The following MLLT1 variants were observed in gnomAD, a reference collection of about 807,000 sequenced individuals.
MLLT1 encodes MLLT1 super elongation complex subunit, also known as protein ENL.
In MLLT1, 11 loss-of-function variants were observed where a neutral mutation model predicts 55.1. The ratio of observed to expected loss-of-function variants is 0.20; its 90% CI spans 0.13 to 0.33. The LOEUF (loss-of-function observed/expected upper bound fraction) is 0.33. MLLT1 is among the 10% of genes least tolerant of loss of function. The probability of loss-of-function intolerance (pLI) is 1.00; values close to 1 mark genes in which losing one functional copy is unlikely to be tolerated. For synonymous variants in MLLT1, 323 were observed against 320.1 expected, an observed-to-expected ratio of 1.01 and a Z score of -0.10; for missense variants, 536 against 760.6, an observed-to-expected ratio of 0.70 and a Z score of 3.47.
chr19:6,221,047 C>A (rs930082794), intron 6 of MLLT1, among the ~76,000 whole-genome samples: 1 of 152,224 alleles, frequency 6.6e-6, no homozygotes, highest in South Asian at 2.1e-4. Context: ...CCCAGCCAGC[C>A]CCACCACCTC....
intron 1 of MLLT1, among the ~76,000 whole-genome samples, chr19:6,272,684 C>T (rs771218160): frequency 1.3e-5 from 2 of 152,202 alleles, no homozygotes; most frequent in Non-Finnish European, 2.9e-5. Context: ...CTTGAAACCA[C>T]GGGACAGGAG....
At chr19:6,255,817 C>A (rs1368452479) in intron 3 of MLLT1, among the ~76,000 whole-genome samples, 3 of 152,218 alleles carry the variant, frequency 2.0e-5, no homozygotes, top group African/African-American at 7.2e-5. Context: ...AGAGGACTCA[C>A]ACTTGCCAAT....
intron 2 of MLLT1, among the ~76,000 whole-genome samples, chr19:6,267,428 T>TA (rs2091357645): frequency 6.8e-6 from 1 of 147,734 alleles, no homozygotes; most frequent in Non-Finnish European, 1.5e-5. Context: ...TTCCACAGAA[T>TA]AAATGAAATG....
intron 2 of MLLT1, among the ~76,000 whole-genome samples, chr19:6,267,142 C>T (rs766819410): frequency 1.3e-5 from 2 of 152,020 alleles, no homozygotes; most frequent in Non-Finnish European, 2.9e-5. Flanking sequence ...CGCTCTGTCG[C>T]CCAGGCCGGA....
At chr19:6,255,873 T>C (rs2091252757) in intron 3 of MLLT1, among the ~76,000 whole-genome samples, 1 of 152,194 alleles carries the variant, frequency 6.6e-6, no homozygotes, top group African/African-American at 2.4e-5. Context: ...ACACCTGTAA[T>C]TCCAGCATTT....
intron 1 of MLLT1, among the ~76,000 whole-genome samples, chr19:6,272,767 A>G (rs115802879): frequency 0.015 from 2,243 of 152,316 alleles, 70 homozygotes; most frequent in African/African-American, 0.051. Context: ...GCTTTTGGAG[A>G]CGGCAGGGCC....
At position 6,246,759 on chromosome 19, in the gene MLLT1, G is replaced by A. The variant is rs112683672; in HGVS notation, c.276+15469C>T. Among the ~76,000 whole-genome samples, 400 of 152,258 alleles carry A rather than the reference G, an allele frequency of 2.6e-3. 1 individual carries two copies. The highest frequency in any genetic ancestry group is 9.2e-3 in the African/African-American group (381 of 41,536). Reference sequence around the variant, plus strand: ...TCACGGAATACAAATTAAGAAATCAGTAACTAATAACCGGATGGGCAGAGG... The same window carrying A: ...TCACGGAATACAAATTAAGAAATCAATAACTAATAACCGGATGGGCAGAGG... On this transcript the variant is annotated intron_variant, in intron 3 of 11. Transcript: ENST00000252674.
At chr19:6,254,905 C>T (rs1406936426) in intron 3 of MLLT1, among the ~76,000 whole-genome samples, 1 of 151,152 alleles carries the variant, frequency 6.6e-6, no homozygotes, top group Non-Finnish European at 1.5e-5. Flanking sequence ...AAACTGGAAC[C>T]TCTATTTGCA....
In MLLT1 at chr19:6,222,293, C is replaced by G. The variant is rs144530683; in HGVS notation, c.938G>C (p.Gly313Ala). The G allele has an allele frequency of 1.2e-4, 199 of 1,608,694 alleles. No homozygotes were observed. Among genetic ancestry groups the G allele is most frequent in the Non-Finnish European group, 1.5e-4 (180 of 1,177,996 alleles). ...GGAGGAGGAGGTGCGGGGCGAGGTGCCTGGAGCACTCCGGGACCCCTTCGA... is the reference window on the plus strand; with the variant it reads ...GGAGGAGGAGGTGCGGGGCGAGGTGGCTGGAGCACTCCGGGACCCCTTCGA... ...SSSKGSRSAP[G>A]TSPRTSSSSS... Residue 313 changes from glycine to alanine, a missense_variant, in exon 6 of 12, where the codon GGC becomes GCC. By Grantham distance (60) the Gly-to-Ala change is moderately conservative. Transcript: ENST00000252674. The surrounding 1 kb of genome is among the most constrained non-coding windows in gnomAD (Gnocchi z 4.1).
At chr19:6,269,432 T>C (rs1347833326) in intron 2 of MLLT1, among the ~76,000 whole-genome samples, 1 of 152,162 alleles carries the variant, frequency 6.6e-6, no homozygotes, top group Non-Finnish European at 1.5e-5. Flanking sequence ...GGCCATCCTC[T>C]AAGAGGCTTA....
At chr19:6,279,465 A>C (rs913431083) in intron 1 of MLLT1, among the ~76,000 whole-genome samples, 66 of 151,548 alleles carry the variant, frequency 4.4e-4, no homozygotes, top group African/African-American at 1.6e-3. Flanking sequence ...TCCCAGGTGG[A>C]TGCAGGTCGG....
At chr19:6,245,935 G>T (rs936067095) in intron 3 of MLLT1, among the ~76,000 whole-genome samples, 1 of 151,986 alleles carries the variant, frequency 6.6e-6, no homozygotes, top group African/African-American at 2.4e-5. Flanking sequence ...AAAGTTGGCC[G>T]GTCACAGTGG....
Position 6,212,341 on chromosome 19 carries a change from G to T in MLLT1, c.*701C>A. 9.6e-7 allele frequency: 1 copy of T among 1,044,852 alleles called. No individual in the cohort carries two copies. Among genetic ancestry groups the T allele is most frequent in the Non-Finnish European group, 1.1e-6 (1 of 873,476 alleles). 64.7% of individuals were successfully genotyped at this position (1,044,852 alleles called of 1,614,324 possible). A position where few individuals can be genotyped will look rare whatever the true frequency, so the allele number is the denominator to read the frequency against. On this transcript the variant is annotated 3_prime_UTR_variant, in exon 12 of 12. Transcript: ENST00000252674. ...ATGCGCCTGGAGAGGGCCAGCTGCC[G>T]TGCCTGGCTCGGCCTCCAGCCCCAC...
At position 6,218,004 on chromosome 19, in the gene MLLT1, G is replaced by T; in HGVS notation, c.1148C>A (p.Ser383Ter). Residue 383 changes from serine to a stop codon, truncating the protein, a stop_gained, in exon 7 of 12, where the codon TCA becomes TAA. Coordinates refer to ENST00000252674, the MANE Select transcript of MLLT1 (RefSeq NM_005934.4). LOFTEE classifies it high-confidence loss of function. ...QSSPSNSSSS[S>*]DSSSDSDFEP... is the part of the protein sequence containing the mutation. ...GAAGTCTGAGTCTGAGCTGGAGTCT[G>T]AGCTGGAGCTGGAGTTGGACGGGCT... The T allele has an allele frequency of 6.2e-7, 1 of 1,609,780 alleles. No homozygotes were observed. The highest frequency in any genetic ancestry group is 1.1e-5 in the South Asian group (1 of 90,808).
At position 6,242,953 on chromosome 19, in the gene MLLT1, C is replaced by T. The variant is rs575936079; in HGVS notation, c.277-12240G>A. On this transcript the variant is annotated intron_variant, in intron 3 of 11. Coordinates refer to ENST00000252674, the MANE Select transcript of MLLT1 (RefSeq NM_005934.4). The stretch of plus-strand genomic sequence containing the variant: ...TTTGCCAAGCACACCAAGCCAGAAA[C>T]GCAGGACTACTTGGCAGCCAGCACT... 8.5e-5 allele frequency among the ~76,000 whole-genome samples: 13 copies of T among 152,314 alleles called. No individual in the cohort carries two copies. In the East Asian group the frequency reaches 1.9e-3, roughly 23 times the overall value.
chr19:6,212,774 G>T lies in MLLT1; in HGVS notation c.*268C>A. On this transcript the variant is annotated 3_prime_UTR_variant, in exon 12 of 12. Transcript: ENST00000252674. ...CCCGGCCCTGTCTCTGCCCAGAGCT[G>T]CCTTCAACACCAGCCGCTCTCTGAG... The T allele has an allele frequency of 1.0e-6, 1 of 981,670 alleles. No homozygotes were observed. Among genetic ancestry groups the T allele is most frequent in the South Asian group, 2.4e-5 (1 of 41,550 alleles). 60.8% of individuals were successfully genotyped at this position (981,670 alleles called of 1,614,324 possible).
intron 2 of MLLT1, among the ~76,000 whole-genome samples, chr19:6,265,271 T>C (rs1247715596): frequency 1.3e-5 from 2 of 152,074 alleles, no homozygotes; most frequent in East Asian, 3.8e-4. Flanking sequence ...GAATTTGGGA[T>C]TTTTCAGACT....
In MLLT1 at chr19:6,240,980, C is replaced by G. The variant is rs778797523; in HGVS notation, c.277-10267G>C. On this transcript the variant is annotated intron_variant, in intron 3 of 11. Coordinates refer to ENST00000252674, the MANE Select transcript of MLLT1 (RefSeq NM_005934.4). The surrounding 1 kb of genome is among the most constrained non-coding windows in gnomAD (Gnocchi z 4.7). ...TAATGATTTCTCCTCAGTCTGACAC[C>G]AGAAAAGGCAGAAAGCAGCCAGCAA... Among the ~76,000 whole-genome samples the G allele has an allele frequency of 1.3e-5, 2 of 152,158 alleles. No individual in the cohort carries two copies. The highest frequency in any genetic ancestry group is 2.4e-5 in the African/African-American group (1 of 41,436).
At chr19:6,278,492 A>G (rs1313341796) in intron 1 of MLLT1, among the ~76,000 whole-genome samples, 2 of 150,202 alleles carry the variant, frequency 1.3e-5, no homozygotes, top group African/African-American at 4.9e-5. Context: ...TGGGGGAAAA[A>G]AACAGAAAAT....
Sources: allele counts gnomAD v4.1 joint callset (sites outside exome capture counted in the v4.1 genomes callset), GRCh38; gene constraint gnomAD v4.1.1; non-coding constraint Gnocchi (gnomAD v3.1); transcripts MANE v1.5; gene names NCBI Gene and HGNC (gene_info 2026-07-23, HGNC 2026-07-21).